MAPKBP1: variants seen among roughly 807,000 people sequenced by gnomAD.
The protein encoded by MAPKBP1 is mitogen-activated protein kinase-binding protein 1.
MAPKBP1 carries 71 observed loss-of-function variants against 170.5 expected under a neutral mutation model. The observed-to-expected ratio is 0.42, with a 90% CI of 0.34 to 0.51. MAPKBP1 has a LOEUF of 0.51. Among genes scored for constraint, MAPKBP1 ranks in the 20% least tolerant of loss-of-function variants. The probability of loss-of-function intolerance (pLI) is 0.06; values close to 1 mark genes in which losing one functional copy is unlikely to be tolerated. For synonymous variants in MAPKBP1, 719 were observed against 757.9 expected, an observed-to-expected ratio of 0.95 and a Z score of 0.84; for missense variants, 1,598 against 1,933.0, an observed-to-expected ratio of 0.83 and a Z score of 3.25.
intron 3 of MAPKBP1, among the ~76,000 whole-genome samples, chr15:41,807,541 A>G (rs922829510): frequency 6.6e-6 from 1 of 152,228 alleles, no homozygotes; most frequent in East Asian, 1.9e-4. Flanking sequence ...GTAACTAATC[A>G]GAAGGCTAGG....
At chr15:41,785,244 A>G (rs2064263721) in intron 2 of MAPKBP1, among the ~76,000 whole-genome samples, 1 of 152,140 alleles carries the variant, frequency 6.6e-6, no homozygotes, top group African/African-American at 2.4e-5. Context: ...AACATTTTTA[A>G]TCAGCCTTTC....
chr15:41,821,567 C>T lies in MAPKBP1; in HGVS notation c.2719-17C>T, dbSNP rs2064996517. 6.2e-7 allele frequency: 1 copy of T among 1,609,672 alleles called. No individual in the cohort carries two copies. Among genetic ancestry groups the T allele is most frequent in the East Asian group, 2.2e-5 (1 of 44,616 alleles). On this transcript the variant is annotated splice_polypyrimidine_tract_variant and intron_variant, in intron 23 of 30. Coordinates refer to ENST00000457542, the MANE Select transcript of MAPKBP1 (RefSeq NM_014994.3). Reference sequence around the variant, plus strand: ...CTGTCACCTCTGCTCTGTTAACATCCCTTTGTGTGTTCCCAGAATGAAAAG... The same window carrying T: ...CTGTCACCTCTGCTCTGTTAACATCTCTTTGTGTGTTCCCAGAATGAAAAG...
chr15:41,812,178 G>A (rs2152078617), intron 6 of MAPKBP1, 51 bp downstream of exon 6: 1 of 1,606,326 alleles, frequency 6.2e-7, no homozygotes, highest in African/African-American at 1.3e-5. Context: ...TCAAGTGTCA[G>A]CTGGGGAGGC....
chr15:41,822,746 C>T, intron 27 of MAPKBP1, 69 bp downstream of exon 27: 1 of 1,565,996 alleles, frequency 6.4e-7, no homozygotes, highest in Non-Finnish European at 8.8e-7. Flanking sequence ...CTGCCCTCTC[C>T]TCTCCAGTGT....
chr15:41,816,612 C>CT lies in MAPKBP1; in HGVS notation c.1548dup (p.Glu517Ter). On this transcript the variant is annotated frameshift_variant, in exon 13 of 31. Transcript: ENST00000457542. LOFTEE classifies it high-confidence loss of function. ...ATGCTGAAGGTGGAGGCCCATGACT[C>CT]TGAGATTCTGTGCCTGGAGTATTCT... 6.2e-7 allele frequency: 1 copy of CT among 1,614,002 alleles called. No individual in the cohort carries two copies. Among genetic ancestry groups the CT allele is most frequent in the Non-Finnish European group, 8.5e-7 (1 of 1,180,034 alleles).
chr15:41,789,405 T>C (rs1437254948), intron 2 of MAPKBP1, among the ~76,000 whole-genome samples: 1 of 152,218 alleles, frequency 6.6e-6, no homozygotes, highest in Non-Finnish European at 1.5e-5. Flanking sequence ...GCAGAAGGGC[T>C]GTACCAGGCA....
At position 41,803,434 on chromosome 15, in the gene MAPKBP1, A is replaced by AAAAAAAAAAAAAAAAAAAAAAAAAG. The variant is rs58804270; in HGVS notation, c.206+3521_206+3522insAAAAAAAAAAAAAAAAAAAAAAAGA. On this transcript the variant is annotated intron_variant, in intron 3 of 30. Transcript: ENST00000457542. ...ATCTCAAAAAAAAAAAAAAAAAAAA[A>AAAAAAAAAAAAAAAAAAAAAAAAAG]AGGTTAAGCAGGCAGGGTGCAGTGG... 3.3e-5 allele frequency among the ~76,000 whole-genome samples: 3 copies of AAAAAAAAAAAAAAAAAAAAAAAAAG among 90,780 alleles called. 1 individual carries two copies. Among genetic ancestry groups the AAAAAAAAAAAAAAAAAAAAAAAAAG allele is most frequent in the African/African-American group, 1.3e-4 (3 of 23,104 alleles). 59.6% of individuals were successfully genotyped at this position (90,780 alleles called of 152,430 possible). A position where few individuals can be genotyped will look rare whatever the true frequency, so the allele number is the denominator to read the frequency against.
chr15:41,824,525 G>C lies in MAPKBP1; in HGVS notation c.4255G>C (p.Glu1419Gln). 1.9e-6 allele frequency: 3 copies of C among 1,603,362 alleles called. No homozygotes were observed. The highest frequency in any genetic ancestry group is 2.6e-6 in the Non-Finnish European group (3 of 1,175,640). The change falls in exon 30 of 31, where the codon GAG (glutamate) becomes CAG (glutamine). Residue 1419 changes from glutamate to glutamine, a missense_variant. Physicochemically the swap from Glu to Gln is conservative, Grantham distance 29. This residue lies in a region of MAPKBP1 where 942 missense variants were observed against 953.2 expected (regional missense o/e 0.99). Transcript: ENST00000457542. ...SLEQCEQLVA[E>Q]LRGSVRQAVR... is the part of the protein sequence containing the mutation. ...GGAGCAGTGTGAGCAGCTGGTGGCA[G>C]AGCTCCGCGGCAGCGTGCGCCAGGC...
rs375253901 is a variant in MAPKBP1, at chr15:41,795,188, GAAAA to G, written c.115-4632_115-4629del. On this transcript the variant is annotated intron_variant, in intron 2 of 30. Coordinates refer to ENST00000457542, the MANE Select transcript of MAPKBP1 (RefSeq NM_014994.3). ...CAAAAAAAAAAAAAAAAAAGAAAAA[GAAAA>G]AAGAAAAACTAAGGCTGGGTAAATT... Among the ~76,000 whole-genome samples, 122 of 149,004 alleles carry G rather than the reference GAAAA, an allele frequency of 8.2e-4. 1 individual carries two copies. The highest frequency in any genetic ancestry group is 2.9e-3 in the African/African-American group (119 of 40,426).
At chr15:41,810,572 T>A (rs2152077841) in intron 3 of MAPKBP1, 1 of 320,460 alleles carries the variant, frequency 3.1e-6, no homozygotes, top group Non-Finnish European at 5.7e-6. Context: ...ATACAAAGAT[T>A]AGCTTGCATG....
chr15:41,813,145 G>C, intron 8 of MAPKBP1, 44 bp downstream of exon 8: 1 of 1,568,910 alleles, frequency 6.4e-7, no homozygotes. Flanking sequence ...TCATGTCTCA[G>C]CTCAGGGGAG....
At position 41,795,208 on chromosome 15, in the gene MAPKBP1, T is replaced by A. The variant is rs180883478; in HGVS notation, c.115-4615T>A. On this transcript the variant is annotated intron_variant, in intron 2 of 30. Coordinates refer to ENST00000457542, the MANE Select transcript of MAPKBP1 (RefSeq NM_014994.3). The stretch of plus-strand genomic sequence containing the variant: ...AAAAAGAAAAAAGAAAAACTAAGGC[T>A]GGGTAAATTGGGTATAAGATTATGG... Among the ~76,000 whole-genome samples the A allele has an allele frequency of 4.2e-4, 62 of 149,066 alleles. No individual in the cohort carries two copies. The East Asian group carries it at 0.01, about 25-fold the overall frequency.
chr15:41,786,777 A>AAAAAAATATATATATATAT, intron 2 of MAPKBP1, among the ~76,000 whole-genome samples: 21 of 32,422 alleles, frequency 6.5e-4, no homozygotes, highest in African/African-American at 1.7e-3. Context: ...AAAAAAAAAA[A>AAAAAAATATATATATATAT]ATATATATAT....
chr15:41,821,451 A>G lies in MAPKBP1; in HGVS notation c.2719-133A>G, dbSNP rs528825401. On this transcript the variant is annotated intron_variant, in intron 23 of 30. Transcript: ENST00000457542. ...TCAGCTTCCCCTTGAATGAGTGCAC[A>G]CCGCATCCTTACTCACCTCCACCTC... 6.2e-5 allele frequency: 50 copies of G among 806,126 alleles called. 2 individuals carry two copies. The highest frequency in any genetic ancestry group is 3.4e-4 in the South Asian group (21 of 61,264). The allele number at this position is 806,126 out of a possible 1,614,324, so 49.9% of individuals were successfully genotyped here. A position where few individuals can be genotyped will look rare whatever the true frequency, so the allele number is the denominator to read the frequency against.
intron 3 of MAPKBP1, among the ~76,000 whole-genome samples, chr15:41,802,370 C>T (rs1235310936): frequency 6.6e-6 from 1 of 152,180 alleles, no homozygotes; most frequent in Non-Finnish European, 1.5e-5. Context: ...ACCTAACTTA[C>T]TGTAACTTTC....
intron 2 of MAPKBP1, among the ~76,000 whole-genome samples, chr15:41,788,597 T>A (rs1054591043): frequency 2.6e-5 from 4 of 152,104 alleles, no homozygotes; most frequent in African/African-American, 9.7e-5. Context: ...GATTTCAGTA[T>A]AGGGTAGTGG....
At chr15:41,825,082 T>C (rs2065067166) in intron 30 of MAPKBP1, 127 bp from the exon 31 acceptor site, 1 of 673,168 alleles carries the variant, frequency 1.5e-6, no homozygotes, top group East Asian at 2.8e-5. Context: ...TGGCCATACA[T>C]GCTGATCTTG....
At chr15:41,795,163 C>CAAAAA (rs57214059) in intron 2 of MAPKBP1, among the ~76,000 whole-genome samples, 1 of 113,208 alleles carries the variant, frequency 8.8e-6, no homozygotes, top group Non-Finnish European at 1.8e-5. Context: ...AACCCTGTCT[C>CAAAAA]AAAAAAAAAA....
Position 41,810,872 on chromosome 15 carries a change from C to T in MAPKBP1, c.207-11C>T, listed in dbSNP as rs749269704. The T allele has an allele frequency of 5.0e-6, 8 of 1,614,008 alleles. No individual in the cohort carries two copies. The highest frequency in any genetic ancestry group is 1.7e-4 in the Middle Eastern group (1 of 6,060). ...TTTGCTGCTGAGCCTGTTGTCTGCT[C>T]ATCTCCTCAGGTGTGTGGTTGTGTT... On this transcript the variant is annotated splice_polypyrimidine_tract_variant and intron_variant, in intron 3 of 30. Transcript: ENST00000457542.
Sources: allele counts gnomAD v4.1 joint callset (sites outside exome capture counted in the v4.1 genomes callset), GRCh38; gene constraint gnomAD v4.1.1; regional missense constraint gnomAD v4.1.1; transcripts MANE v1.5; gene names NCBI Gene and HGNC (gene_info 2026-07-23, HGNC 2026-07-21).